PARD3: variants seen among roughly 807,000 people sequenced by gnomAD.
PARD3 encodes the protein partitioning defective 3 homolog.
PARD3 carries 75 observed loss-of-function variants against 155.4 expected under a neutral mutation model. That is an observed-to-expected ratio of 0.48 (90% confidence interval 0.40 to 0.58). The LOEUF (loss-of-function observed/expected upper bound fraction) is 0.58, where lower values mean the gene tolerates loss of function less well. Ranked by LOEUF, PARD3 falls within the 20% of genes least tolerant of loss-of-function variation. The probability of loss-of-function intolerance (pLI) is 0.00; values close to 1 mark genes in which losing one functional copy is unlikely to be tolerated. For synonymous variants in PARD3, 576 were observed against 610.5 expected (o/e 0.94, Z 0.83); for missense variants, 1,642 against 1,721.7 (o/e 0.95, Z 0.82).
chr10:34,603,700 G>A (rs990389050), intron 2 of PARD3, among the ~76,000 whole-genome samples: 1 of 152,180 alleles, frequency 6.6e-6, no homozygotes, highest in Non-Finnish European at 1.5e-5. Context: ...ATATTAGACA[G>A]GGAGTAGAAG....
intron 5 of PARD3, among the ~76,000 whole-genome samples, chr10:34,405,478 A>G (rs1415124747): frequency 1.3e-5 from 2 of 152,184 alleles, no homozygotes; most frequent in Non-Finnish European, 2.9e-5. Context: ...CTATATACAA[A>G]ATATTTTCAA....
At chr10:34,679,260 A>G (rs1424537213) in intron 2 of PARD3, among the ~76,000 whole-genome samples, 1 of 152,178 alleles carries the variant, frequency 6.6e-6, no homozygotes, top group Non-Finnish European at 1.5e-5. Flanking sequence ...CTCCAGGTTC[A>G]CCAGGGAAAC....
chr10:34,503,391 T>C (rs1008368677), intron 3 of PARD3, among the ~76,000 whole-genome samples: 1 of 152,194 alleles, frequency 6.6e-6, no homozygotes, highest in Non-Finnish European at 1.5e-5. Flanking sequence ...GAGGCATCCC[T>C]AACTGATCTA....
At chr10:34,384,384 T>C in intron 7 of PARD3, 130 bp from the exon 8 acceptor site, 2 of 864,770 alleles carry the variant, frequency 2.3e-6, no homozygotes, top group Non-Finnish European at 3.5e-6. Context: ...TGACTATTCA[T>C]ACATTTTTAA....
intron 22 of PARD3, among the ~76,000 whole-genome samples, chr10:34,267,804 G>C (rs1445401142): frequency 6.6e-6 from 1 of 152,122 alleles, no homozygotes; most frequent in East Asian, 1.9e-4. Flanking sequence ...ATCAAACCTG[G>C]ACATGGGTAA....
intron 22 of PARD3, among the ~76,000 whole-genome samples, chr10:34,261,643 C>T (rs1954965733): frequency 6.6e-6 from 1 of 151,678 alleles, no homozygotes; most frequent in Non-Finnish European, 1.5e-5. Context: ...GAGCCACGAT[C>T]ACACCACTGC....
At chr10:34,339,618 GT>G (rs1224488226) in intron 16 of PARD3, among the ~76,000 whole-genome samples, 1 of 152,076 alleles carries the variant, frequency 6.6e-6, no homozygotes, top group Admixed American at 6.6e-5. Context: ...CATTATTAAT[GT>G]TCTCTCAATT....
intron 19 of PARD3, among the ~76,000 whole-genome samples, chr10:34,328,764 G>A (rs535634417): frequency 6.6e-6 from 1 of 152,216 alleles, no homozygotes; most frequent in Non-Finnish European, 1.5e-5. Context: ...GAGGATGCAA[G>A]TCACCTGAAT....
At chr10:34,174,964 T>G (rs898721149) in intron 22 of PARD3, among the ~76,000 whole-genome samples, 3 of 152,082 alleles carry the variant, frequency 2.0e-5, no homozygotes, top group Non-Finnish European at 4.4e-5. Context: ...TTCATTGTAT[T>G]TTTTTTCTTC....
intron 4 of PARD3, among the ~76,000 whole-genome samples, chr10:34,465,456 C>G (rs1369048093): frequency 6.6e-6 from 1 of 152,148 alleles, no homozygotes; most frequent in Non-Finnish European, 1.5e-5. Context: ...AAGAAAGCAT[C>G]TCTTACAAGT....
intron 15 of PARD3, chr10:34,345,590 A>C (rs1181845301): frequency 1.0e-6 from 1 of 985,158 alleles, no homozygotes; most frequent in Admixed American, 6.1e-5. Context: ...GCAAATCAAT[A>C]AACACTGTTG....
intron 2 of PARD3, among the ~76,000 whole-genome samples, chr10:34,609,142 C>A (rs961928129): frequency 6.6e-6 from 1 of 152,140 alleles, no homozygotes; most frequent in Admixed American, 6.5e-5. Context: ...TCAGTATTTC[C>A]TCTAAAGCAA....
intron 1 of PARD3, among the ~76,000 whole-genome samples, chr10:34,769,501 C>G (rs944886389): frequency 6.6e-6 from 1 of 151,984 alleles, no homozygotes; most frequent in South Asian, 2.1e-4. Context: ...AAAACCATAC[C>G]TCCCGGCACT....
At chr10:34,228,530 G>A (rs1952745037) in intron 22 of PARD3, among the ~76,000 whole-genome samples, 1 of 152,106 alleles carries the variant, frequency 6.6e-6, no homozygotes, top group Non-Finnish European at 1.5e-5. Flanking sequence ...GAACACTGCT[G>A]GGATTTTTGT....
chr10:34,403,264 T>C (rs1228755335), intron 5 of PARD3, among the ~76,000 whole-genome samples: 1 of 152,184 alleles, frequency 6.6e-6, no homozygotes, highest in African/African-American at 2.4e-5. Flanking sequence ...ACAATGGTGA[T>C]TTTATTGTGA....
At chr10:34,695,335 C>T (rs1343790404) in intron 2 of PARD3, among the ~76,000 whole-genome samples, 4 of 152,082 alleles carry the variant, frequency 2.6e-5, no homozygotes, top group South Asian at 4.2e-4. Flanking sequence ...ATTAGCCAGG[C>T]GTGGTGGTGC....
intron 1 of PARD3, among the ~76,000 whole-genome samples, chr10:34,710,290 T>C (rs2094431979): frequency 6.6e-6 from 1 of 152,236 alleles, no homozygotes; most frequent in Admixed American, 6.5e-5. Flanking sequence ...GAATGTATTA[T>C]CTACAGCCAT....
chr10:34,517,408 C>T (rs2081849601), intron 2 of PARD3, among the ~76,000 whole-genome samples: 1 of 152,030 alleles, frequency 6.6e-6, no homozygotes, highest in Non-Finnish European at 1.5e-5. Context: ...AAATTGTTTG[C>T]TATCACAGCA....
chr10:34,463,061 GGGGAAGGGGAGGGAAA>G (rs1157557948), intron 4 of PARD3, among the ~76,000 whole-genome samples: 4 of 87,372 alleles, frequency 4.6e-5, no homozygotes, highest in Non-Finnish European at 9.4e-5. Context: ...GGAAGGGGGA[GGGGAAGGGGAGGGAAA>G]GGGAAGGGAA....
Sources: gnomAD v4.1 joint callset for allele counts (sites outside exome capture counted in the v4.1 genomes callset) on GRCh38, gnomAD v4.1.1 for gene constraint, MANE v1.5 for transcripts, NCBI Gene and HGNC (gene_info 2026-07-23, HGNC 2026-07-21) for gene names.